Variants in NBPF12 observed in about 807,000 individuals in gnomAD.
NBPF12 encodes the protein NBPF member 12, also known as NBPF family member NBPF12.
Under a neutral mutation model 146.4 loss-of-function variants are expected in NBPF12, and 115 were observed. The ratio of observed to expected loss-of-function variants is 0.79; its 90% CI spans 0.68 to 0.92. The LOEUF is 0.92. Among genes scored for constraint, NBPF12 ranks in the 40% least tolerant of loss-of-function variants. NBPF12 has a pLI of 0.00. For missense variants in NBPF12, 1,205 were observed against 1,326.8 expected, an observed-to-expected ratio of 0.91 and a Z score of 1.43; for synonymous variants, 385 against 508.9, an observed-to-expected ratio of 0.76 and a Z score of 3.28.
At chr1:146,972,931 G>A (rs1656748245) in exon 14 of NBPF12, 3 of 953,908 alleles carry the variant, frequency 3.1e-6, no homozygotes, top group East Asian at 4.8e-5. Context: ...CAAGTGGCCT[G>A]CTTCCTGGCC....
chr1:146,970,721 T>A lies in NBPF12; in HGVS notation c.1379+2T>A, dbSNP rs1462097241. 1.1e-5 allele frequency: 15 copies of A among 1,351,278 alleles called. 1 individual carries two copies. Among genetic ancestry groups the A allele is most frequent in the African/African-American group, 2.9e-5 (2 of 69,158 alleles). 83.7% of individuals were successfully genotyped at this position (1,351,278 alleles called of 1,614,324 possible). ...AGTGCTGGAATCATCTTCCCCCAGG[T>A]GACACTGAATACTCAGGAGCAAGTA... On this transcript the variant is annotated splice_donor_variant, in intron 12 of 33. Coordinates refer to ENST00000617844, the Ensembl canonical transcript of NBPF12. LOFTEE classifies it high-confidence loss of function.
At chr1:146,970,205 A>G (rs1244980225) in intron 11 of NBPF12, among the ~76,000 whole-genome samples, 4 of 150,736 alleles carry the variant, frequency 2.7e-5, no homozygotes, top group Non-Finnish European at 4.4e-5. Context: ...ATAACACAGC[A>G]GAAGCCACAT....
intron 2 of NBPF12, among the ~76,000 whole-genome samples, chr1:146,954,413 A>G (rs1163234393): frequency 7.1e-5 from 8 of 112,336 alleles, no homozygotes; most frequent in Non-Finnish European, 1.3e-4. Context: ...AAAAAAAAAA[A>G]GGAAAGTCAA....
chr1:146,992,460 CTCTGTGTGTG>C (rs1367210190), intron 31 of NBPF12, among the ~76,000 whole-genome samples: 1,636 of 87,992 alleles, frequency 0.019, 2 homozygotes, highest in Middle Eastern at 0.027. Context: ...CTCTCTCTCT[CTCTGTGTGTG>C]TGTGTGTGTG....
chr1:146,953,051 C>T (rs1161560181), intron 2 of NBPF12, among the ~76,000 whole-genome samples: 11 of 151,074 alleles, frequency 7.3e-5, no homozygotes, highest in Non-Finnish European at 1.2e-4. Flanking sequence ...GGTCCTGTGG[C>T]GCCTCTCCTC....
chr1:146,984,579 G>T (rs1311633186), intron 21 of NBPF12, among the ~76,000 whole-genome samples: 1 of 7,512 alleles, frequency 1.3e-4, no homozygotes, highest in South Asian at 0.016. Flanking sequence ...AGCTCACACT[G>T]TGTGTGTGTG....
At chr1:146,943,013 C>T (rs1654874560) in intron 1 of NBPF12, among the ~76,000 whole-genome samples, 1 of 138,128 alleles carries the variant, frequency 7.2e-6, no homozygotes. Context: ...AATCCTCCTG[C>T]CTCAGCCTCC....
At chr1:146,945,952 C>T (rs1185574955), upstream of NBPF12, among the ~76,000 whole-genome samples, 4 of 151,536 alleles carry the variant, frequency 2.6e-5, no homozygotes, top group African/African-American at 7.3e-5. Context: ...TTTCATGCCT[C>T]CTCCTCTCCT....
intron 2 of NBPF12, among the ~76,000 whole-genome samples, chr1:146,952,647 CCCT>C (rs1270675025): frequency 1.3e-5 from 2 of 148,680 alleles, no homozygotes; most frequent in Admixed American, 6.7e-5. Context: ...CCATAACATC[CCCT>C]CCTCCTTCCC....
intron 13 of NBPF12, among the ~76,000 whole-genome samples, chr1:146,971,898 T>G (rs1656647384): frequency 7.6e-6 from 1 of 131,378 alleles, no homozygotes; most frequent in African/African-American, 3.1e-5. Flanking sequence ...GCTAACACGG[T>G]GAAACCCCAT....
At chr1:146,942,153 A>G (rs1654839704) in intron 1 of NBPF12, among the ~76,000 whole-genome samples, 2 of 151,448 alleles carry the variant, frequency 1.3e-5, no homozygotes, top group Admixed American at 1.3e-4. Flanking sequence ...CACCATGCCC[A>G]GCTAATTTTT....
In NBPF12 at chr1:146,968,562, C is replaced by T. The variant is rs1439967590; in HGVS notation, c.1091+12C>T. Reference sequence around the variant, plus strand: ...GCTGAGGAGCTCAGGTGAGGGGACCCCATGGGGGCAGGCAGGGGGGCAGGT... The same window carrying T: ...GCTGAGGAGCTCAGGTGAGGGGACCTCATGGGGGCAGGCAGGGGGGCAGGT... On this transcript the variant is annotated intron_variant, in intron 10 of 33. Transcript: ENST00000617844. 23 of 1,590,868 alleles carry T rather than the reference C, an allele frequency of 1.4e-5. No individual in the cohort carries two copies. Among genetic ancestry groups the T allele is most frequent in the Non-Finnish European group, 1.9e-5 (22 of 1,160,734 alleles).
chr1:146,972,433 A>C (rs1168861608), intron 13 of NBPF12, among the ~76,000 whole-genome samples: 1 of 151,420 alleles, frequency 6.6e-6, no homozygotes, highest in Non-Finnish European at 1.5e-5. Context: ...AAAATTAAAA[A>C]AGCAAAATGA....
chr1:146,943,174 C>A, intron 1 of NBPF12, 117 bp from the exon 2 acceptor site: 1 of 159,382 alleles, frequency 6.3e-6, no homozygotes, highest in East Asian at 1.8e-4. Flanking sequence ...TCCCCACCAC[C>A]TTTCAACCTG....
In NBPF12 at chr1:146,984,644, C is replaced by G. The variant is rs1324082388; in HGVS notation, c.2667-169C>G. Among the ~76,000 whole-genome samples, 5 of 142,770 alleles carry G rather than the reference C, an allele frequency of 3.5e-5. No individual in the cohort carries two copies. In the East Asian group the frequency reaches 1.0e-3, roughly 30 times the overall value. The allele number at this position is 142,770 out of a possible 152,430, so 93.7% of individuals were successfully genotyped here. ...GTGTGTCTTTCTCTTTCATCCTTTT[C>G]TACCTGGCCCTAGTCTATCACAACA... On this transcript the variant is annotated intron_variant, in intron 21 of 33. Transcript: ENST00000617844.
chr1:146,945,056 C>A, upstream of NBPF12, among the ~76,000 whole-genome samples: 1 of 134,772 alleles, frequency 7.4e-6, no homozygotes, highest in Non-Finnish European at 1.6e-5. Flanking sequence ...GCCTTCCTCC[C>A]TCCCTCCCTT....
At chr1:146,949,046 C>T (rs1655205443), upstream of NBPF12, among the ~76,000 whole-genome samples, 1 of 152,000 alleles carries the variant, frequency 6.6e-6, no homozygotes, top group Non-Finnish European at 1.5e-5. Context: ...ATCTTCTCTC[C>T]ACTATTATCC....
chr1:146,972,081 C>A (rs1395703087), intron 13 of NBPF12, among the ~76,000 whole-genome samples: 3 of 134,664 alleles, frequency 2.2e-5, no homozygotes, highest in South Asian at 2.5e-4. Flanking sequence ...GAGCGAGACT[C>A]CATCTAAAAA....
chr1:146,976,318 C>T (rs1420214630), intron 16 of NBPF12, among the ~76,000 whole-genome samples: 4 of 147,742 alleles, frequency 2.7e-5, no homozygotes, highest in Non-Finnish European at 5.9e-5. Flanking sequence ...CAAATTGTCT[C>T]TTGCAAGGGT....
Sources: gnomAD v4.1 joint callset for allele counts (sites outside exome capture counted in the v4.1 genomes callset) on GRCh38, gnomAD v4.1.1 for gene constraint, MANE v1.5 for transcripts, NCBI Gene and HGNC (gene_info 2026-07-23, HGNC 2026-07-21) for gene names.